The following ZC3H6 variants were observed in gnomAD, a reference collection of about 807,000 sequenced individuals.
ZC3H6 encodes zinc finger CCCH domain-containing protein 6.
Under a neutral mutation model 107.7 loss-of-function variants are expected in ZC3H6, and 40 were observed. The observed-to-expected ratio is 0.37, with a 90% CI of 0.29 to 0.48. ZC3H6 has a LOEUF of 0.48. Among genes scored for constraint, ZC3H6 ranks in the 20% least tolerant of loss-of-function variants. The pLI is 0.98. For missense variants in ZC3H6, 1,267 were observed against 1,410.4 expected, an observed-to-expected ratio of 0.90 and a Z score of 1.63; for synonymous variants, 493 against 487.9, an observed-to-expected ratio of 1.01 and a Z score of -0.14.
At chr2:112,316,079 A>G (rs984299874) in intron 5 of ZC3H6, among the ~76,000 whole-genome samples, 12 of 152,320 alleles carry the variant, frequency 7.9e-5, no homozygotes, top group African/African-American at 2.9e-4. Context: ...TAATTCTTTC[A>G]AAATAATCCC....
chr2:112,332,568 A>G lies in ZC3H6; in HGVS notation c.*80A>G. 7.3e-7 allele frequency: 1 copy of G among 1,376,064 alleles called. No individual in the cohort carries two copies. Among genetic ancestry groups the G allele is most frequent in the Non-Finnish European group, 9.8e-7 (1 of 1,022,056 alleles). 85.2% of individuals were successfully genotyped at this position (1,376,064 alleles called of 1,614,324 possible). ...TGTTTTGTAACTGGTTTACCTCTAT[A>G]GTTTATTTATTTTTAAATTATAAAC... On this transcript the variant is annotated 3_prime_UTR_variant, in exon 12 of 12. Coordinates refer to ENST00000409871, the MANE Select transcript of ZC3H6 (RefSeq NM_198581.3).
In ZC3H6 at chr2:112,314,634, A is replaced by C. The variant is rs982680556; in HGVS notation, c.748-1836A>C. 1.1e-4 allele frequency among the ~76,000 whole-genome samples: 17 copies of C among 152,024 alleles called. 1 individual carries two copies. The highest frequency in any genetic ancestry group is 1.1e-3 in the Admixed American group (17 of 15,276). Reference sequence around the variant, plus strand: ...CAGAGTTATATTCCTCAGGTTGCTCATTGATTTTTGCATAATTTACTTTCT... The same window carrying C: ...CAGAGTTATATTCCTCAGGTTGCTCCTTGATTTTTGCATAATTTACTTTCT... On this transcript the variant is annotated intron_variant, in intron 5 of 11. Transcript: ENST00000409871.
chr2:112,301,305 A>G (rs1261428362), intron 2 of ZC3H6, among the ~76,000 whole-genome samples: 2 of 152,210 alleles, frequency 1.3e-5, no homozygotes, highest in African/African-American at 4.8e-5. Flanking sequence ...ATTCCTTTTT[A>G]TGACAGAGTC....
chr2:112,303,083 C>G, intron 2 of ZC3H6, 146 bp from the exon 3 acceptor site: 1 of 993,446 alleles, frequency 1.0e-6, no homozygotes, highest in East Asian at 2.7e-5. Flanking sequence ...GCCTTTGGGG[C>G]AAGAATTTTT....
intron 3 of ZC3H6, among the ~76,000 whole-genome samples, chr2:112,308,405 T>TTTAA (rs1676528769): frequency 2.8e-5 from 1 of 35,554 alleles, no homozygotes; most frequent in Admixed American, 3.2e-4. Flanking sequence ...TTTATTTTAT[T>TTTAA]TTATTTATTT....
At position 112,335,301 on chromosome 2, in the gene ZC3H6, A is replaced by C. The variant is rs1677120270; in HGVS notation, c.*2813A>C. 1 of 152,138 alleles carries C rather than the reference A, an allele frequency of 6.6e-6. No homozygotes were observed. The highest frequency in any genetic ancestry group is 2.4e-5 in the African/African-American group (1 of 41,430). The allele number at this position is 152,138 out of a possible 1,614,324, so 9.4% of individuals were successfully genotyped here. On this transcript the variant is annotated 3_prime_UTR_variant, in exon 12 of 12. Transcript: ENST00000409871. ...CCTAATTGTGAAATGATGTGCGCTT[A>C]TGTTTCTGTTTATCCTTTAGCCATG... is the stretch of plus-strand genomic sequence containing the variant.
chr2:112,284,146 C>G (rs1220574905), intron 1 of ZC3H6, among the ~76,000 whole-genome samples: 1 of 151,864 alleles, frequency 6.6e-6, no homozygotes, highest in Non-Finnish European at 1.5e-5. Flanking sequence ...TATTAGATCA[C>G]TGGTGCTTCT....
chr2:112,275,919 G>T lies in ZC3H6; in HGVS notation c.-76G>T. 7.4e-7 allele frequency: 1 copy of T among 1,351,678 alleles called. No homozygotes were observed. Among genetic ancestry groups the T allele is most frequent in the Non-Finnish European group, 9.9e-7 (1 of 1,006,450 alleles). 83.7% of individuals were successfully genotyped at this position (1,351,678 alleles called of 1,614,324 possible). On this transcript the variant is annotated 5_prime_UTR_variant, in exon 1 of 12. Coordinates refer to ENST00000409871, the MANE Select transcript of ZC3H6 (RefSeq NM_198581.3). ...GGGAGCAGGTTCCCGCAGGCGGCGC[G>T]GGGGGTCTTCCCCGCGCCCCGCCGC...
Position 112,331,731 on chromosome 2 carries a change from T to G in ZC3H6, c.2813T>G (p.Ile938Ser), listed in dbSNP as rs1325713200. The G allele has an allele frequency of 1.2e-6, 2 of 1,613,698 alleles. No homozygotes were observed. The highest frequency in any genetic ancestry group is 1.7e-6 in the Non-Finnish European group (2 of 1,179,840). ...IDPKLAAKAKINTTNREGYLE... is the reference protein window; with the variant it reads ...IDPKLAAKAKSNTTNREGYLE... ...CCAAAATTAGCAGCCAAAGCCAAAA[T>G]TAACACAACAAACAGAGAAGGCTAC... Residue 938 changes from isoleucine to serine, a missense_variant, in exon 12 of 12, where the codon ATT (isoleucine) becomes AGT (serine). Physicochemically the swap from Ile to Ser is moderately radical, Grantham distance 142. This residue lies in a region of ZC3H6 where 925 missense variants were observed against 1,025.7 expected (regional missense o/e 0.90). Coordinates refer to ENST00000409871, the MANE Select transcript of ZC3H6 (RefSeq NM_198581.3).
chr2:112,288,881 T>G (rs1176081444), intron 1 of ZC3H6, among the ~76,000 whole-genome samples: 1 of 152,192 alleles, frequency 6.6e-6, no homozygotes, highest in Non-Finnish European at 1.5e-5. Context: ...ATCACCTACC[T>G]CACTATATTC....
intron 5 of ZC3H6, among the ~76,000 whole-genome samples, chr2:112,313,841 C>T (rs1676638381): frequency 6.6e-6 from 1 of 152,020 alleles, no homozygotes; most frequent in African/African-American, 2.4e-5. Flanking sequence ...TGAGAGTCTC[C>T]AAAGCCAAAT....
At chr2:112,279,230 G>A (rs907482862) in intron 1 of ZC3H6, among the ~76,000 whole-genome samples, 7 of 152,088 alleles carry the variant, frequency 4.6e-5, no homozygotes, top group African/African-American at 1.2e-4. Context: ...TCTCAGGCAC[G>A]ACTCCAGCCG....
intron 2 of ZC3H6, among the ~76,000 whole-genome samples, chr2:112,302,825 G>A (rs2104707193): frequency 6.6e-6 from 1 of 151,718 alleles, no homozygotes; most frequent in South Asian, 2.1e-4. Flanking sequence ...AATAGAATAA[G>A]AACTCCAAAG....
At chr2:112,311,652 A>G (rs1676594514) in intron 4 of ZC3H6, among the ~76,000 whole-genome samples, 152 bp from the exon 5 acceptor site, 2 of 152,258 alleles carry the variant, frequency 1.3e-5, no homozygotes, top group African/African-American at 4.8e-5. Context: ...GAGATAAGAT[A>G]CAAAGATTTA....
chr2:112,308,617 A>G (rs1229880045), intron 3 of ZC3H6, among the ~76,000 whole-genome samples: 1 of 150,098 alleles, frequency 6.7e-6, no homozygotes, highest in East Asian at 2.0e-4. Context: ...TTTTTGGTAG[A>G]GACGGTGTTT....
At chr2:112,313,906 C>CA (rs1558953523) in intron 5 of ZC3H6, among the ~76,000 whole-genome samples, 1 of 152,148 alleles carries the variant, frequency 6.6e-6, no homozygotes, top group Non-Finnish European at 1.5e-5. Flanking sequence ...CAAGAGTAGT[C>CA]ACAAAGAAGC....
intron 1 of ZC3H6, among the ~76,000 whole-genome samples, chr2:112,298,393 A>C (rs1341800009): frequency 1.3e-5 from 2 of 152,368 alleles, no homozygotes; most frequent in East Asian, 3.9e-4. Context: ...GGCAAAAAAA[A>C]CCAACTGAAA....
chr2:112,288,353 G>C (rs1207945958), intron 1 of ZC3H6, among the ~76,000 whole-genome samples: 1 of 152,186 alleles, frequency 6.6e-6, no homozygotes, highest in Non-Finnish European at 1.5e-5. Context: ...GTCCAGCATA[G>C]TAATTCTATT....
At chr2:112,324,893 C>CTTTCA in intron 10 of ZC3H6, 71 bp from the exon 11 acceptor site, 1 of 1,363,128 alleles carries the variant, frequency 7.3e-7, no homozygotes, top group East Asian at 2.5e-5. Flanking sequence ...GTGATGAAAG[C>CTTTCA]TTTCATTTCT....
Sources: gnomAD v4.1 joint callset for allele counts (sites outside exome capture counted in the v4.1 genomes callset) on GRCh38, gnomAD v4.1.1 for gene constraint, gnomAD v4.1.1 regional missense constraint, MANE v1.5 for transcripts, NCBI Gene and HGNC (gene_info 2026-07-23, HGNC 2026-07-21) for gene names.